The following LRRTM4 variants were observed in gnomAD, a reference collection of about 807,000 sequenced individuals.
The protein encoded by LRRTM4 is leucine-rich repeat transmembrane neuronal protein 4.
In LRRTM4, 25 loss-of-function variants were observed where a neutral mutation model predicts 47.6. The ratio of observed to expected loss-of-function variants is 0.53; its 90% CI spans 0.38 to 0.73. The LOEUF (loss-of-function observed/expected upper bound fraction) is 0.73, where lower values mean the gene tolerates loss of function less well. Among genes scored for constraint, LRRTM4 ranks in the 30% least tolerant of loss-of-function variants. The pLI, the probability that LRRTM4 is intolerant of heterozygous loss-of-function variation, is 0.00. For missense variants in LRRTM4, 638 were observed against 713.4 expected (o/e 0.89, Z 1.20); for synonymous variants, 311 against 269.5 (o/e 1.15, Z -1.51).
intron 3 of LRRTM4, among the ~76,000 whole-genome samples, chr2:76,874,256 G>C (rs1386911276): frequency 6.6e-6 from 1 of 151,876 alleles, no homozygotes; most frequent in African/African-American, 2.4e-5. Context: ...GACTCTACAA[G>C]CATAGTCTTG....
intron 3 of LRRTM4, among the ~76,000 whole-genome samples, chr2:76,988,246 C>G (rs1676872305): frequency 6.6e-6 from 1 of 151,780 alleles, no homozygotes. Flanking sequence ...AAAGGCTCAA[C>G]TCGATAATTT....
chr2:76,879,272 G>C (rs116515086), intron 3 of LRRTM4, among the ~76,000 whole-genome samples: 7,040 of 152,278 alleles, frequency 0.046, 202 homozygotes, highest in Non-Finnish European at 0.069. Flanking sequence ...GTCAATGCCT[G>C]GCTTCAAAGC....
At chr2:77,136,023 G>A (rs532050202) in intron 3 of LRRTM4, among the ~76,000 whole-genome samples, 53 of 152,144 alleles carry the variant, frequency 3.5e-4, no homozygotes, top group East Asian at 7.7e-4. Context: ...ACATGGCGGC[G>A]GTTCCAAGAT....
At chr2:76,897,133 G>C (rs139886683) in intron 3 of LRRTM4, among the ~76,000 whole-genome samples, 1 of 152,010 alleles carries the variant, frequency 6.6e-6, no homozygotes, top group South Asian at 2.1e-4. Flanking sequence ...AGCAATACAC[G>C]TACTCTGAGA....
chr2:77,067,899 T>C (rs1194106364), intron 3 of LRRTM4, among the ~76,000 whole-genome samples: 1 of 151,588 alleles, frequency 6.6e-6, no homozygotes, highest in East Asian at 1.9e-4. Context: ...TTGATGACCA[T>C]CAAAAAAAGG....
chr2:77,432,772 C>A (rs1204603420), intron 3 of LRRTM4, among the ~76,000 whole-genome samples: 3 of 152,154 alleles, frequency 2.0e-5, no homozygotes, highest in Non-Finnish European at 4.4e-5. Flanking sequence ...CTCATGTATA[C>A]CCCAAGAAAG....
intron 3 of LRRTM4, among the ~76,000 whole-genome samples, chr2:77,433,231 G>T (rs184592213): frequency 1.1e-3 from 165 of 152,282 alleles, no homozygotes; most frequent in African/African-American, 3.8e-3. Context: ...TTTGAAAGCT[G>T]CTGCCCTGAA....
intron 3 of LRRTM4, among the ~76,000 whole-genome samples, chr2:76,960,082 G>A (rs1023714164): frequency 6.6e-6 from 1 of 151,132 alleles, no homozygotes; most frequent in Non-Finnish European, 1.5e-5. Flanking sequence ...ACCAACTCAA[G>A]GTCTCCCAGT....
intron 3 of LRRTM4, among the ~76,000 whole-genome samples, chr2:76,905,171 A>G (rs1169374264): frequency 6.6e-6 from 1 of 152,190 alleles, no homozygotes; most frequent in Non-Finnish European, 1.5e-5. Flanking sequence ...GAACGATCAG[A>G]CAGCAGCATT....
intron 3 of LRRTM4, among the ~76,000 whole-genome samples, chr2:77,282,324 A>T (rs1466802249): frequency 2.0e-5 from 3 of 151,860 alleles, no homozygotes; most frequent in Non-Finnish European, 1.5e-5. Flanking sequence ...TTTATCATTT[A>T]TAGGAACCTT....
chr2:77,306,377 G>C (rs1328308272), intron 3 of LRRTM4, among the ~76,000 whole-genome samples: 1 of 152,280 alleles, frequency 6.6e-6, no homozygotes, highest in East Asian at 1.9e-4. Context: ...CCTTGCAATA[G>C]CTCTACTGCA....
chr2:76,987,013 A>C (rs1372478611), intron 3 of LRRTM4, among the ~76,000 whole-genome samples: 2 of 151,958 alleles, frequency 1.3e-5, no homozygotes, highest in African/African-American at 4.8e-5. Flanking sequence ...TATTGGCTTC[A>C]ATAAAGTATT....
intron 3 of LRRTM4, among the ~76,000 whole-genome samples, chr2:77,141,799 T>C (rs191662523): frequency 1.3e-5 from 2 of 152,254 alleles, no homozygotes; most frequent in East Asian, 1.9e-4. Flanking sequence ...TATCACCCAA[T>C]GGTTTATATT....
intron 3 of LRRTM4, among the ~76,000 whole-genome samples, chr2:77,241,087 GA>G (rs766594295): frequency 3.3e-5 from 5 of 151,742 alleles, no homozygotes; most frequent in African/African-American, 7.3e-5. Context: ...GAAGGAACTA[GA>G]AAAGACAACA....
intron 3 of LRRTM4, among the ~76,000 whole-genome samples, chr2:77,455,243 G>A (rs980908962): frequency 2.0e-5 from 3 of 152,242 alleles, no homozygotes; most frequent in Non-Finnish European, 2.9e-5. Context: ...ATGCAAGCCT[G>A]AACATAGAGA....
intron 3 of LRRTM4, among the ~76,000 whole-genome samples, chr2:77,075,901 C>A (rs575092049): frequency 1.3e-5 from 1 of 79,894 alleles, no homozygotes; most frequent in African/African-American, 5.8e-5. Flanking sequence ...GGCGACAGAG[C>A]GAGACTCCGT....
chr2:77,067,380 C>A lies in LRRTM4; in HGVS notation c.1552-318464G>T, dbSNP rs764084746. Among the ~76,000 whole-genome samples, 34 of 151,938 alleles carry A rather than the reference C, an allele frequency of 2.2e-4. 1 individual carries two copies. Among genetic ancestry groups the A allele is most frequent in the Admixed American group, 6.6e-5 (1 of 15,224 alleles). ...AGAAAAGTACCCCTAGATAATAAAACCTGGCACTAAGCTGGTCAACAACAA... is the reference window on the plus strand; with the variant it reads ...AGAAAAGTACCCCTAGATAATAAAAACTGGCACTAAGCTGGTCAACAACAA... On this transcript the variant is annotated intron_variant, in intron 3 of 3. Coordinates refer to ENST00000409884, the MANE Select transcript of LRRTM4 (RefSeq NM_001134745.3).
chr2:77,241,213 C>T (rs1178077106), intron 3 of LRRTM4, among the ~76,000 whole-genome samples: 1 of 86,150 alleles, frequency 1.2e-5, no homozygotes, highest in Non-Finnish European at 2.3e-5. Flanking sequence ...AATACACACA[C>T]ACACACACAC....
At chr2:76,789,060 A>G (rs183588633) in intron 3 of LRRTM4, among the ~76,000 whole-genome samples, 34 of 152,274 alleles carry the variant, frequency 2.2e-4, no homozygotes, top group South Asian at 8.3e-4. Context: ...TGCTTTTTCT[A>G]TTACAAAATG....
Sources: allele counts gnomAD v4.1 joint callset (sites outside exome capture counted in the v4.1 genomes callset), GRCh38; gene constraint gnomAD v4.1.1; transcripts MANE v1.5; gene names NCBI Gene and HGNC (gene_info 2026-07-23, HGNC 2026-07-21).